The following LRRIQ1 variants were observed in gnomAD, a reference collection of about 807,000 sequenced individuals.
LRRIQ1 encodes leucine rich repeats and IQ motif containing 1.
Under a neutral mutation model 211.9 loss-of-function variants are expected in LRRIQ1, and 210 were observed. The ratio of observed to expected loss-of-function variants is 0.99; its 90% CI spans 0.89 to 1.11. The LOEUF is 1.11. Among genes scored for constraint, LRRIQ1 ranks in the 50% most tolerant of loss-of-function variants. The pLI is 0.00. For missense variants in LRRIQ1, 2,136 were observed against 1,939.5 expected (o/e 1.10, Z -1.90); for synonymous variants, 699 against 650.1 (o/e 1.08, Z -1.14).
intron 24 of LRRIQ1, among the ~76,000 whole-genome samples, chr12:85,192,144 C>T (rs1892546343): frequency 1.3e-5 from 2 of 151,142 alleles, no homozygotes; most frequent in African/African-American, 4.9e-5. Context: ...GCTTTTCAGT[C>T]CTTATCCATC....
chr12:85,133,393 T>C (rs1182496029), intron 18 of LRRIQ1, among the ~76,000 whole-genome samples: 1 of 152,134 alleles, frequency 6.6e-6, no homozygotes, highest in Non-Finnish European at 1.5e-5. Context: ...TACGCACACT[T>C]TCCTGGAAAA....
intron 14 of LRRIQ1, 22 bp downstream of exon 14, chr12:85,104,099 T>C: frequency 8.1e-7 from 1 of 1,240,418 alleles, no homozygotes; most frequent in Non-Finnish European, 1.1e-6. Flanking sequence ...ATAATATATA[T>C]ATTTTAATAA....
At chr12:85,215,676 G>T (rs996163703) in intron 24 of LRRIQ1, among the ~76,000 whole-genome samples, 6 of 152,086 alleles carry the variant, frequency 3.9e-5, no homozygotes, top group Admixed American at 3.3e-4. Flanking sequence ...TGAAATGACA[G>T]AAGTAGGATG....
At chr12:85,199,293 G>C (rs1451390352) in intron 24 of LRRIQ1, among the ~76,000 whole-genome samples, 1 of 152,092 alleles carries the variant, frequency 6.6e-6, no homozygotes, top group African/African-American at 2.4e-5. Flanking sequence ...TTTGTATCTG[G>C]TGTAAGGAAG....
intron 1 of LRRIQ1, among the ~76,000 whole-genome samples, chr12:85,253,876 T>C (rs1896015719): frequency 6.6e-6 from 1 of 152,104 alleles, no homozygotes. Context: ...TTCTGCCTTC[T>C]ATTTCTAATA....
rs779400442 is a variant in LRRIQ1 at position 85,057,049 on chromosome 12, G to A, written c.2256G>A (p.Trp752Ter). The A allele has an allele frequency of 4.4e-6, 7 of 1,608,812 alleles. No individual in the cohort carries two copies. Among genetic ancestry groups the A allele is most frequent in the African/African-American group, 1.3e-5 (1 of 74,466 alleles). ...RLAWIKSFKP[W>*]LEIFKQNQQK... ...CCTGGATAAAATCATTTAAACCTTG[G>A]CTTGAAATTTTCAAGCAAAATCAAC... Residue 752 changes from tryptophan to a stop codon, truncating the protein, a stop_gained, in exon 8 of 27, where the codon TGG becomes TGA. Transcript: ENST00000393217. LOFTEE classifies it high-confidence loss of function.
intron 19 of LRRIQ1, among the ~76,000 whole-genome samples, chr12:85,150,783 ATT>A (rs34622181): frequency 0.23 from 35,160 of 151,078 alleles, 4,578 homozygotes; most frequent in African/African-American, 0.32. Context: ...CCAATAACGC[ATT>A]TTTTTTAACA....
intron 10 of LRRIQ1, among the ~76,000 whole-genome samples, chr12:85,068,975 A>T (rs1449213604): frequency 1.3e-5 from 2 of 151,490 alleles, no homozygotes; most frequent in African/African-American, 4.8e-5. Flanking sequence ...GTTTTAGGGT[A>T]CATGTGCACA....
In LRRIQ1 at chr12:85,124,451, A is replaced by G. The variant is rs756708659; in HGVS notation, c.3939A>G (p.Pro1313=). Residue 1313 remains proline, a synonymous_variant, in exon 17 of 27, where the codon CCA becomes CCG. Coordinates refer to ENST00000393217, the MANE Select transcript of LRRIQ1 (RefSeq NM_001079910.2). ...KASSIPTIRI[P]FKEVVMTNSL... is the part of the protein sequence containing the mutation. ...GCAGTATTCCCACCATAAGAATCCC[A>G]TTTAAGGAAGTAGTAATGACAAATT... 1.2e-6 allele frequency: 2 copies of G among 1,613,906 alleles called. No homozygotes were observed. Among genetic ancestry groups the G allele is most frequent in the Non-Finnish European group, 1.7e-6 (2 of 1,180,034 alleles).
rs1879711521 is a variant in LRRIQ1 at position 85,047,241 on chromosome 12, G to A, written c.455-6G>A. 2 of 1,575,412 alleles carry A rather than the reference G, an allele frequency of 1.3e-6. No individual in the cohort carries two copies. The highest frequency in any genetic ancestry group is 8.6e-7 in the Non-Finnish European group (1 of 1,164,718). ...ATGATGATGTTATTTTTCTTCATGAGTGCAGATGATGCTGATATAAATTTT... is the reference window on the plus strand; with the variant it reads ...ATGATGATGTTATTTTTCTTCATGAATGCAGATGATGCTGATATAAATTTT... On this transcript the variant is annotated splice_polypyrimidine_tract_variant and splice_region_variant and intron_variant, in intron 5 of 26. Transcript: ENST00000393217.
At chr12:85,197,861 A>C (rs1412233593) in intron 24 of LRRIQ1, among the ~76,000 whole-genome samples, 1 of 135,552 alleles carries the variant, frequency 7.4e-6, no homozygotes, top group East Asian at 2.0e-4. Flanking sequence ...TATAAATATA[A>C]TAAATATAAT....
At chr12:85,072,443 C>A (rs1354115316) in intron 10 of LRRIQ1, among the ~76,000 whole-genome samples, 1 of 151,296 alleles carries the variant, frequency 6.6e-6, no homozygotes, top group Non-Finnish European at 1.5e-5. Context: ...ATCTACCTTA[C>A]TGATAATTTT....
intron 24 of LRRIQ1, among the ~76,000 whole-genome samples, chr12:85,202,714 A>G (rs776317967): frequency 6.6e-6 from 1 of 152,058 alleles, no homozygotes; most frequent in African/African-American, 2.4e-5. Context: ...ACAGCATGCA[A>G]TTGGGTCTTG....
At chr12:85,156,693 T>G (rs1409673651) in intron 23 of LRRIQ1, among the ~76,000 whole-genome samples, 1 of 151,766 alleles carries the variant, frequency 6.6e-6, no homozygotes, top group Non-Finnish European at 1.5e-5. Context: ...TTACTAGCAG[T>G]TTTTAAATAT....
chr12:85,152,937 A>T (rs551987449), intron 20 of LRRIQ1, 87 bp from the exon 21 acceptor site: 9 of 846,020 alleles, frequency 1.1e-5, no homozygotes, highest in Middle Eastern at 3.8e-4. Flanking sequence ...TTAGGAGGCT[A>T]TTTGGTAATA....
chr12:85,063,329 G>T (rs1388936928), intron 8 of LRRIQ1, among the ~76,000 whole-genome samples: 2 of 151,146 alleles, frequency 1.3e-5, no homozygotes, highest in Non-Finnish European at 3.0e-5. Flanking sequence ...ATAGATGAAA[G>T]ACTTAAATAG....
intron 21 of LRRIQ1, 142 bp downstream of exon 21, chr12:85,153,287 C>A: frequency 1.1e-6 from 1 of 877,104 alleles, no homozygotes. Flanking sequence ...ACATCATGGT[C>A]ATGAAGAGTT....
rs184084000 is a variant in LRRIQ1 at position 85,135,162 on chromosome 12, A to G, written c.4210-2688A>G. 9.2e-5 allele frequency among the ~76,000 whole-genome samples: 14 copies of G among 152,066 alleles called. No homozygotes were observed. In the East Asian group the frequency reaches 1.9e-3, roughly 21 times the overall value. The stretch of plus-strand genomic sequence containing the variant: ...CAGCAACTCCCTTCTTTTTCTTGCA[A>G]TTTATTTATTGAAGTAACCAGGTCA... On this transcript the variant is annotated intron_variant, in intron 18 of 26. Coordinates refer to ENST00000393217, the MANE Select transcript of LRRIQ1 (RefSeq NM_001079910.2).
In LRRIQ1 at chr12:85,168,623, A is replaced by G. The variant is rs577099531; in HGVS notation, c.4822+7909A>G. On this transcript the variant is annotated intron_variant, in intron 24 of 26. Transcript: ENST00000393217. ...GTGATGGTGAGTGGTGCCACTTCCA[A>G]TTCCGCCCCTTAATTCCTGGACCTG... Among the ~76,000 whole-genome samples, 13 of 152,164 alleles carry G rather than the reference A, an allele frequency of 8.5e-5. No individual in the cohort carries two copies. In the East Asian group the frequency reaches 1.9e-3, roughly 23 times the overall value.
Sources: gnomAD v4.1 joint callset for allele counts (sites outside exome capture counted in the v4.1 genomes callset) on GRCh38, gnomAD v4.1.1 for gene constraint, MANE v1.5 for transcripts, NCBI Gene and HGNC (gene_info 2026-07-23, HGNC 2026-07-21) for gene names.